Variants in PPP2R2B observed in about 807,000 individuals in gnomAD.
The protein encoded by PPP2R2B is serine/threonine-protein phosphatase 2A 55 kDa regulatory subunit B beta isoform.
A neutral mutation model predicts 46.0 loss-of-function variants in PPP2R2B; 5 were observed. The observed-to-expected ratio is 0.11, with a 90% CI of 0.06 to 0.23. The LOEUF is 0.23. Among genes scored for constraint, PPP2R2B ranks in the 10% least tolerant of loss-of-function variants. The pLI is 1.00. For synonymous variants in PPP2R2B, 215 were observed against 206.7 expected, an observed-to-expected ratio of 1.04 and a Z score of -0.34; for missense variants, 367 against 575.0, an observed-to-expected ratio of 0.64 and a Z score of 3.70.
rs374115840 is a variant in PPP2R2B at position 146,691,246 on chromosome 5, G to A, written c.335-6C>T. The A allele has an allele frequency of 1.6e-4, 256 of 1,611,378 alleles. 1 individual carries two copies. The highest frequency in any genetic ancestry group is 2.9e-4 in the East Asian group (13 of 44,876). On this transcript the variant is annotated splice_polypyrimidine_tract_variant and splice_region_variant and intron_variant, in intron 4 of 9. Transcript: ENST00000394411. ...CCACAGCTTCACAGTTTTATCTGTA[G>A]TGGGCAACCAGATTAAGTCAGAATT...
intron 5 of PPP2R2B, among the ~76,000 whole-genome samples, chr5:146,670,167 A>G (rs1408559607): frequency 1.3e-5 from 2 of 152,234 alleles, no homozygotes; most frequent in African/African-American, 4.8e-5. Flanking sequence ...GACACAGGAC[A>G]TTACACAGAA....
At chr5:147,022,942 A>G (rs1450361833) in intron 1 of PPP2R2B, among the ~76,000 whole-genome samples, 1 of 152,196 alleles carries the variant, frequency 6.6e-6, no homozygotes, top group African/African-American at 2.4e-5. Context: ...ATTGTCATGC[A>G]TAAGATTTTA....
chr5:146,968,812 G>A (rs759531890), intron 1 of PPP2R2B, among the ~76,000 whole-genome samples: 1 of 152,222 alleles, frequency 6.6e-6, no homozygotes, highest in Non-Finnish European at 1.5e-5. Flanking sequence ...TAAGCATGGA[G>A]TTGAGGAGAG....
chr5:146,932,022 T>C (rs1202683334), intron 1 of PPP2R2B, among the ~76,000 whole-genome samples: 1 of 152,158 alleles, frequency 6.6e-6, no homozygotes, highest in Non-Finnish European at 1.5e-5. Flanking sequence ...CTGTTATTCT[T>C]CCTGAAACAC....
Position 146,878,277 on chromosome 5 carries a change from G to A in PPP2R2B, c.-124-82C>T. ...GTCACCTCCTCCACTCGGGTTCTGC[G>A]AGGCTGCGGCGGCTCCTCCCGCGCG... On this transcript the variant is annotated intron_variant, in intron 1 of 9. Transcript: ENST00000394411. This position sits in a 1 kb window ranked among gnomAD's most constrained non-coding sequence, Gnocchi z 4.5. The A allele has an allele frequency of 1.4e-6, 2 of 1,465,412 alleles. No homozygotes were observed. Among genetic ancestry groups the A allele is most frequent in the Non-Finnish European group, 9.0e-7 (1 of 1,113,236 alleles). 90.8% of individuals were successfully genotyped at this position (1,465,412 alleles called of 1,614,324 possible).
chr5:146,998,673 T>A (rs1466617137), intron 1 of PPP2R2B, among the ~76,000 whole-genome samples: 1 of 152,196 alleles, frequency 6.6e-6, no homozygotes, highest in African/African-American at 2.4e-5. Context: ...TTTAGGTAAC[T>A]TCTAGTCCAG....
chr5:146,596,930 C>T (rs760405151), intron 8 of PPP2R2B, among the ~76,000 whole-genome samples: 11 of 152,216 alleles, frequency 7.2e-5, no homozygotes, highest in Non-Finnish European at 8.8e-5. Flanking sequence ...CTCTCTGAAC[C>T]TTTCCTTCTT....
chr5:146,687,578 A>G (rs1778586759), intron 5 of PPP2R2B, among the ~76,000 whole-genome samples: 1 of 152,186 alleles, frequency 6.6e-6, no homozygotes, highest in South Asian at 2.1e-4. Flanking sequence ...ACTAGGTGAG[A>G]AAACGCTTGT....
chr5:146,692,544 T>C (rs1778919997), intron 4 of PPP2R2B, among the ~76,000 whole-genome samples: 1 of 149,274 alleles, frequency 6.7e-6, no homozygotes, highest in Non-Finnish European at 1.5e-5. Flanking sequence ...TTTTTTTTTT[T>C]TTTTTTTGAG....
chr5:146,725,916 T>C (rs1751835681), intron 2 of PPP2R2B, among the ~76,000 whole-genome samples: 1 of 152,150 alleles, frequency 6.6e-6, no homozygotes, highest in African/African-American at 2.4e-5. Flanking sequence ...AAGCTGAAAA[T>C]TATAACAAGA....
At chr5:147,005,174 C>T (rs536600881) in intron 1 of PPP2R2B, among the ~76,000 whole-genome samples, 14 of 152,282 alleles carry the variant, frequency 9.2e-5, no homozygotes, top group African/African-American at 3.1e-4. Context: ...AATTATAGTC[C>T]AGACTCATGC....
chr5:146,751,058 G>A (rs1401411588), intron 2 of PPP2R2B, among the ~76,000 whole-genome samples: 5 of 152,098 alleles, frequency 3.3e-5, no homozygotes, highest in Non-Finnish European at 7.4e-5. Flanking sequence ...CAAAGAAGTG[G>A]ATTTACACAG....
chr5:147,012,448 G>A (rs1050064891), intron 1 of PPP2R2B, among the ~76,000 whole-genome samples: 102 of 151,980 alleles, frequency 6.7e-4, no homozygotes, highest in East Asian at 6.2e-3. Context: ...TTTTTATTGC[G>A]TCTATTAGAT....
At position 146,899,359 on chromosome 5, in the gene PPP2R2B, T is replaced by C. The variant is rs375524945; in HGVS notation, c.79+156306A>G. On this transcript the variant is annotated intron_variant, in intron 1 of 8. Coordinates refer to the PPP2R2B transcript ENST00000336640. ...TGAAATTGGAAATCATCATTCTCAG[T>C]AAACTATCGCAAGAACAAAAAACCA... is the stretch of plus-strand genomic sequence containing the variant. Among the ~76,000 whole-genome samples the C allele has an allele frequency of 2.7e-5, 4 of 148,392 alleles. No individual in the cohort carries two copies. The South Asian group carries it at 6.6e-4, about 24-fold the overall frequency.
rs11335578 is a variant in PPP2R2B at position 146,746,383 on chromosome 5, T to TA, written c.71-45242dup. Among the ~76,000 whole-genome samples, 6 of 151,216 alleles carry TA rather than the reference T, an allele frequency of 4.0e-5. No homozygotes were observed. The South Asian group carries it at 6.3e-4, about 16-fold the overall frequency. ...TGAAACAGCTTTTGGACTGGGAGTT[T>TA]AAAAAAAAAAAGTCATATGTAGCAA... On this transcript the variant is annotated intron_variant, in intron 2 of 9. Transcript: ENST00000394411.
chr5:146,964,932 T>C (rs1752337222), intron 1 of PPP2R2B, among the ~76,000 whole-genome samples: 1 of 152,182 alleles, frequency 6.6e-6, no homozygotes, highest in South Asian at 2.1e-4. Context: ...CACTCCTCTC[T>C]GGGGCTCAGT....
At chr5:146,828,786 CATTTG>C (rs1454826672) in intron 2 of PPP2R2B, among the ~76,000 whole-genome samples, 7 of 152,196 alleles carry the variant, frequency 4.6e-5, no homozygotes, top group Non-Finnish European at 1.0e-4. Context: ...TTCTAAATCA[CATTTG>C]ATTTATCACT....
At chr5:146,673,570 G>A (rs1777511860) in intron 5 of PPP2R2B, among the ~76,000 whole-genome samples, 2 of 152,102 alleles carry the variant, frequency 1.3e-5, no homozygotes, top group South Asian at 4.1e-4. Flanking sequence ...GCATGGCCCA[G>A]GCTGAGAATT....
intron 2 of PPP2R2B, among the ~76,000 whole-genome samples, chr5:146,808,753 T>C (rs2151315481): frequency 6.6e-6 from 1 of 152,348 alleles, no homozygotes; most frequent in African/African-American, 2.4e-5. Flanking sequence ...TAAAACAGAA[T>C]TGACTTGCCA....
Sources: gnomAD v4.1 joint callset for allele counts (sites outside exome capture counted in the v4.1 genomes callset) on GRCh38, gnomAD v4.1.1 for gene constraint, Gnocchi (gnomAD v3.1) non-coding constraint, MANE v1.5 for transcripts, NCBI Gene and HGNC (gene_info 2026-07-23, HGNC 2026-07-21) for gene names.